Variants in KLC1 observed in about 807,000 individuals in gnomAD.
The protein encoded by KLC1 is kinesin light chain 1.
A neutral mutation model predicts 84.2 loss-of-function variants in KLC1; 30 were observed. The ratio of observed to expected loss-of-function variants is 0.36; its 90% CI spans 0.27 to 0.48. KLC1 has a LOEUF of 0.48. Among genes scored for constraint, KLC1 ranks in the 20% least tolerant of loss-of-function variants. The pLI is 0.99. For synonymous variants in KLC1, 289 were observed against 293.3 expected (o/e 0.99, Z 0.15); for missense variants, 499 against 805.4 (o/e 0.62, Z 4.60).
At position 103,641,081 on chromosome 14, in the gene KLC1, T is replaced by C. The variant is rs527326929; in HGVS notation, c.-2+11587T>C. On this transcript the variant is annotated intron_variant, in intron 1 of 16. Coordinates refer to ENST00000334553, the MANE Select transcript of KLC1 (RefSeq NM_001394837.1). ...CTGGAATTACAGGCATGCGCTACTA[T>C]GCCTGGCTAATTTTTGTACTTTTAG... Among the ~76,000 whole-genome samples the C allele has an allele frequency of 2.0e-5, 3 of 152,210 alleles. No homozygotes were observed. In the South Asian group the frequency reaches 6.2e-4, roughly 32 times the overall value.
Position 103,701,507 on chromosome 14 carries a change from A to T in KLC1, c.*308A>T, listed in dbSNP as rs866987452. 36 of 384,126 alleles carry T rather than the reference A, an allele frequency of 9.4e-5. No homozygotes were observed. The highest frequency in any genetic ancestry group is 1.4e-4 in the Non-Finnish European group (31 of 214,880). 23.8% of individuals were successfully genotyped at this position (384,126 alleles called of 1,614,324 possible). ...CACGTTGTGTGCGATAACGTATTTT[A>T]TTGTACATTTTTTTAAATTAAAAGT... is the stretch of plus-strand genomic sequence containing the variant. On this transcript the variant is annotated 3_prime_UTR_variant, in exon 17 of 17. Coordinates refer to ENST00000334553, the MANE Select transcript of KLC1 (RefSeq NM_001394837.1).
At chr14:103,664,819 CTTTTTT>C (rs34967823) in intron 5 of KLC1, among the ~76,000 whole-genome samples, 10 of 101,982 alleles carry the variant, frequency 9.8e-5, no homozygotes, top group East Asian at 2.7e-4. Flanking sequence ...TTGGCCAAGG[CTTTTTT>C]TTTTTTTTTT....
At chr14:103,641,494 G>C (rs905891039) in intron 1 of KLC1, among the ~76,000 whole-genome samples, 2 of 152,178 alleles carry the variant, frequency 1.3e-5, no homozygotes, top group African/African-American at 4.8e-5. Flanking sequence ...AGCATGGTCA[G>C]ATTCTGGTGC....
chr14:103,679,520 T>G lies in KLC1; in HGVS notation c.1625T>G (p.Val542Gly). 6.2e-7 allele frequency: 1 copy of G among 1,613,760 alleles called. No homozygotes were observed. Among genetic ancestry groups the G allele is most frequent in the Non-Finnish European group, 8.5e-7 (1 of 1,179,832 alleles). ...AGTGGCCCTGACGGAGGGGAGGAAG[T>G]GAGTATGAGCGTAGAGTGGAACGGG... ...YESGPDGGEE[V>G]SMSVEWNGDG... The change falls in exon 13 of 17, where the codon GTG (valine) becomes GGG (glycine). Residue 542 changes from valine (V) to glycine (G), a missense_variant. Physicochemically the swap from Val to Gly is moderately radical, Grantham distance 109 (BLOSUM62 -3). Around this residue, in one of 3 missense-constraint regions of KLC1, gnomAD observed 167 missense variants for 208.8 expected, o/e 0.80. Transcript: ENST00000334553.
At chr14:103,660,174 C>T (rs563127625) in intron 3 of KLC1, among the ~76,000 whole-genome samples, 2 of 152,128 alleles carry the variant, frequency 1.3e-5, no homozygotes, top group East Asian at 1.9e-4. Flanking sequence ...TAGGGGCCAA[C>T]TAAATGTTTT....
intron 1 of KLC1, among the ~76,000 whole-genome samples, chr14:103,644,975 C>G (rs1052535488): frequency 2.7e-4 from 41 of 151,698 alleles, no homozygotes; most frequent in Non-Finnish European, 4.3e-4. Flanking sequence ...TTCTTTCTCT[C>G]TCTCTTTCTT....
chr14:103,696,190 A>T, intron 15 of KLC1: 2 of 979,112 alleles, frequency 2.0e-6, no homozygotes, highest in Non-Finnish European at 2.4e-6. Context: ...CGGACAGCAT[A>T]TCTCTGGGTA....
chr14:103,689,708 G>C (rs1031004963), intron 14 of KLC1, among the ~76,000 whole-genome samples: 2 of 152,192 alleles, frequency 1.3e-5, no homozygotes, highest in Non-Finnish European at 2.9e-5. Flanking sequence ...TCAAGGACCA[G>C]GGTGTTTGCA....
chr14:103,696,679 A>G lies in KLC1; in HGVS notation c.1849-3976A>G, dbSNP rs548056003. ...AGCGGGGCCAGCTGTCTCAGGGCTG[A>G]TATGTAGACGTGTATTCTGTTTACA... On this transcript the variant is annotated intron_variant, in intron 15 of 16. Coordinates refer to ENST00000334553, the MANE Select transcript of KLC1 (RefSeq NM_001394837.1). 4.3e-5 allele frequency: 42 copies of G among 985,512 alleles called. No individual in the cohort carries two copies. The Admixed American group carries it at 4.9e-4, about 12-fold the overall frequency. The allele number at this position is 985,512 out of a possible 1,614,324, so 61.0% of individuals were successfully genotyped here. A position where few individuals can be genotyped will look rare whatever the true frequency, so the allele number is the denominator to read the frequency against.
chr14:103,631,744 C>A (rs1208490134), intron 1 of KLC1, among the ~76,000 whole-genome samples: 1 of 151,980 alleles, frequency 6.6e-6, no homozygotes, highest in Non-Finnish European at 1.5e-5. Flanking sequence ...ATTACAGGTG[C>A]CCACTACCAC....
intron 1 of KLC1, among the ~76,000 whole-genome samples, chr14:103,633,222 T>C (rs2076816792): frequency 6.6e-6 from 1 of 152,036 alleles, no homozygotes; most frequent in African/African-American, 2.4e-5. Flanking sequence ...CACATCCGGC[T>C]AATTTTTTGT....
intron 12 of KLC1, 147 bp from the exon 13 acceptor site, chr14:103,679,237 C>T (rs1012623336): frequency 2.2e-5 from 23 of 1,035,714 alleles, no homozygotes; most frequent in Middle Eastern, 2.5e-4. Flanking sequence ...CACCCTCACC[C>T]CCTCCAAGGA....
chr14:103,692,281 G>A (rs984451705), intron 14 of KLC1, 78 bp from the exon 15 acceptor site: 7 of 1,353,300 alleles, frequency 5.2e-6, no homozygotes, highest in Middle Eastern at 1.8e-4. Flanking sequence ...CGTTGGAGGG[G>A]GCTTTGCTTG....
chr14:103,636,348 A>G (rs1342286049), intron 1 of KLC1, among the ~76,000 whole-genome samples: 1 of 151,770 alleles, frequency 6.6e-6, no homozygotes, highest in African/African-American at 2.4e-5. Flanking sequence ...TAATTTCCTG[A>G]GTATCTGGGA....
chr14:103,679,268 C>A, intron 12 of KLC1, 116 bp from the exon 13 acceptor site: 1 of 1,360,282 alleles, frequency 7.4e-7, no homozygotes, highest in Non-Finnish European at 1.0e-6. Flanking sequence ...CAATGTTTTT[C>A]CCTCCAGTGA....
At chr14:103,698,754 T>A (rs752626065) in intron 15 of KLC1, 54 of 1,525,430 alleles carry the variant, frequency 3.5e-5, no homozygotes, top group Non-Finnish European at 4.5e-5. Flanking sequence ...GAGCCCCGTG[T>A]GTCGGGGCTT....
chr14:103,665,634 G>C (rs1429423370), intron 5 of KLC1, among the ~76,000 whole-genome samples: 1 of 151,766 alleles, frequency 6.6e-6, no homozygotes, highest in Admixed American at 6.6e-5. Context: ...ACAGTGTTTT[G>C]TCATGTTGGC....
chr14:103,644,444 A>G (rs936738762), intron 1 of KLC1, among the ~76,000 whole-genome samples: 1 of 151,838 alleles, frequency 6.6e-6, no homozygotes, highest in African/African-American at 2.4e-5. Context: ...TGTTTTTAGT[A>G]GAGATGGGCT....
At chr14:103,679,689 G>A in intron 13 of KLC1, 144 bp downstream of exon 13, 1 of 604,364 alleles carries the variant, frequency 1.7e-6, no homozygotes, top group African/African-American at 1.9e-5. Context: ...CTTCACTTCT[G>A]CTAATACTGA....
Sources: allele counts gnomAD v4.1 joint callset (sites outside exome capture counted in the v4.1 genomes callset), GRCh38; gene constraint gnomAD v4.1.1; regional missense constraint gnomAD v4.1.1; transcripts MANE v1.5; gene names NCBI Gene and HGNC (gene_info 2026-07-23, HGNC 2026-07-21).